ABHD2: variants seen among roughly 807,000 people sequenced by gnomAD.
ABHD2 encodes the protein abhydrolase domain containing 2, acylglycerol lipase.
A neutral mutation model predicts 48.1 loss-of-function variants in ABHD2; 20 were observed. That is an observed-to-expected ratio of 0.42 (90% CI 0.29 to 0.60). The LOEUF (loss-of-function observed/expected upper bound fraction) is 0.60. ABHD2 is among the 20% of genes least tolerant of loss of function. The pLI, the probability that ABHD2 is intolerant of heterozygous loss-of-function variation, is 0.24. For missense variants in ABHD2, 405 were observed against 550.9 expected (o/e 0.74, Z 2.65); for synonymous variants, 209 against 214.2 (o/e 0.98, Z 0.21).
intron 8 of ABHD2, among the ~76,000 whole-genome samples, chr15:89,190,305 C>T (rs1025274973): frequency 3.3e-5 from 5 of 152,196 alleles, no homozygotes. Flanking sequence ...GAGCACGGAG[C>T]AGAGCAGAGC....
At chr15:89,042,340 A>G in the ABHD2 span, among the ~76,000 whole-genome samples, 10 of 152,054 alleles carry the variant, frequency 6.6e-5, no homozygotes, top group Admixed American at 2.6e-4. Flanking sequence ...TACTCCCTCA[A>G]ACATCTTTTT....
Position 89,200,604 on chromosome 15 carries a change from G to T in ABHD2, c.*5181G>T, listed in dbSNP as rs913487519. The T allele has an allele frequency of 6.5e-6, 1 of 154,694 alleles. No individual in the cohort carries two copies. The highest frequency in any genetic ancestry group is 2.4e-5 in the African/African-American group (1 of 41,432). 9.6% of individuals were successfully genotyped at this position (154,694 alleles called of 1,614,324 possible). A position where few individuals can be genotyped will look rare whatever the true frequency, so the allele number is the denominator to read the frequency against. On this transcript the variant is annotated 3_prime_UTR_variant, in exon 11 of 11. Coordinates refer to ENST00000352732, the MANE Select transcript of ABHD2 (RefSeq NM_152924.5). ...GTCCAGTAGCCAGTTTGTTTTTATT[G>T]TGTTTTCTAACCATAAGAGATCATT...
intron 6 of ABHD2, among the ~76,000 whole-genome samples, chr15:89,181,810 C>A (rs1388156718): frequency 6.6e-6 from 1 of 152,222 alleles, no homozygotes; most frequent in South Asian, 2.1e-4. Flanking sequence ...TAAGCAGTTA[C>A]CCCAGCAGCA....
rs1052550087 is a variant in ABHD2, at chr15:89,201,679, G to C, written c.*6256G>C. The stretch of plus-strand genomic sequence containing the variant: ...TTGAAACACACTTTTCTATCCGATG[G>C]ATTTCGCAATTTAAGATTTGTAGTG... On this transcript the variant is annotated 3_prime_UTR_variant, in exon 11 of 11. Coordinates refer to ENST00000352732, the MANE Select transcript of ABHD2 (RefSeq NM_152924.5). 65 of 1,608,646 alleles carry C rather than the reference G, an allele frequency of 4.0e-5. No individual in the cohort carries two copies. The highest frequency in any genetic ancestry group is 5.0e-5 in the Non-Finnish European group (59 of 1,175,116).
the ABHD2 span, among the ~76,000 whole-genome samples, chr15:89,043,044 C>T: frequency 6.6e-6 from 1 of 152,152 alleles, no homozygotes; most frequent in East Asian, 1.9e-4. Flanking sequence ...CCGTAATCTG[C>T]TTTGATGCCT....
At chr15:89,169,845 G>A (rs978416247) in intron 5 of ABHD2, among the ~76,000 whole-genome samples, 2 of 152,012 alleles carry the variant, frequency 1.3e-5, no homozygotes, top group African/African-American at 2.4e-5. Flanking sequence ...GTCAAACTGT[G>A]CCAAAGGCTA....
chr15:89,072,486 A>AGGAGGGGAAGGAGAAGGG, the ABHD2 span, among the ~76,000 whole-genome samples: 2 of 139,868 alleles, frequency 1.4e-5, no homozygotes, highest in Non-Finnish European at 3.1e-5. Context: ...AAAAGAGGAA[A>AGGAGGGGAAGGAGAAGGG]GGAGGGGAAG....
rs1015137547 is a variant in ABHD2 at position 89,198,707 on chromosome 15, A to G, written c.*3284A>G. ...GACCATCTCTAAGACCACTTCATCT[A>G]TTTACACATCATTTGCTTGAACATT... On this transcript the variant is annotated 3_prime_UTR_variant, in exon 11 of 11. Transcript: ENST00000352732. The surrounding 1 kb of genome is among the most constrained non-coding windows in gnomAD (Gnocchi z 5.1). 1 of 152,120 alleles carries G rather than the reference A, an allele frequency of 6.6e-6. No individual in the cohort carries two copies. The highest frequency in any genetic ancestry group is 1.5e-5 in the Non-Finnish European group (1 of 68,044). 9.4% of individuals were successfully genotyped at this position (152,120 alleles called of 1,614,324 possible). A position where few individuals can be genotyped will look rare whatever the true frequency, so the allele number is the denominator to read the frequency against.
At chr15:89,141,477 AC>A (rs1383072238) in intron 3 of ABHD2, among the ~76,000 whole-genome samples, 6 of 152,304 alleles carry the variant, frequency 3.9e-5, no homozygotes, top group Admixed American at 3.9e-4. Flanking sequence ...TGCTAAAAAT[AC>A]AAAAATTAGC....
At chr15:89,043,273 G>A in the ABHD2 span, among the ~76,000 whole-genome samples, 3 of 152,184 alleles carry the variant, frequency 2.0e-5, no homozygotes, top group Non-Finnish European at 4.4e-5. Flanking sequence ...GAAGAGCTGG[G>A]GTTTGGGCTG....
In ABHD2 at chr15:89,199,553, T is replaced by A. The variant is rs2051445613; in HGVS notation, c.*4130T>A. Reference sequence around the variant, plus strand: ...GCTGCAGCAAAACCAGAGAATTTCCTCAAGTGGCCTGTAGGCTCCTTGTTA... The same window carrying A: ...GCTGCAGCAAAACCAGAGAATTTCCACAAGTGGCCTGTAGGCTCCTTGTTA... On this transcript the variant is annotated 3_prime_UTR_variant, in exon 11 of 11. Coordinates refer to ENST00000352732, the MANE Select transcript of ABHD2 (RefSeq NM_152924.5). The surrounding 1 kb of genome is among the most constrained non-coding windows in gnomAD (Gnocchi z 4.1). The A allele has an allele frequency of 6.6e-6, 1 of 152,628 alleles. No individual in the cohort carries two copies. 9.5% of individuals were successfully genotyped at this position (152,628 alleles called of 1,614,324 possible). A position where few individuals can be genotyped will look rare whatever the true frequency, so the allele number is the denominator to read the frequency against.
intron 1 of ABHD2, among the ~76,000 whole-genome samples, chr15:89,098,697 G>A (rs1222895978): frequency 6.6e-6 from 1 of 152,170 alleles, no homozygotes; most frequent in Non-Finnish European, 1.5e-5. Flanking sequence ...AAAATGCCGA[G>A]TAGATTATAG....
Position 89,114,281 on chromosome 15 carries a change from C to T in ABHD2, c.-7+457C>T, listed in dbSNP as rs538296015. On this transcript the variant is annotated intron_variant, in intron 2 of 10. Coordinates refer to ENST00000352732, the MANE Select transcript of ABHD2 (RefSeq NM_152924.5). This position sits in a 1 kb window ranked among gnomAD's most constrained non-coding sequence, Gnocchi z 4.2. The stretch of plus-strand genomic sequence containing the variant: ...TTTTTAGAGAATCTGATTAAAGCTG[C>T]GAACCCTCTGCCCAGAAAACTGCTC... Among the ~76,000 whole-genome samples, 33 of 152,220 alleles carry T rather than the reference C, an allele frequency of 2.2e-4. No individual in the cohort carries two copies. The highest frequency in any genetic ancestry group is 4.1e-4 in the African/African-American group (17 of 41,544).
In ABHD2 at chr15:89,175,294, G is replaced by C. The variant is rs1206339067; in HGVS notation, c.539-518G>C. Among the ~76,000 whole-genome samples the C allele has an allele frequency of 6.6e-6, 1 of 152,090 alleles. No individual in the cohort carries two copies. The highest frequency in any genetic ancestry group is 2.4e-5 in the African/African-American group (1 of 41,408). Reference sequence around the variant, plus strand: ...GGCTGGAGTGCAGTGATGCGATCTTGGCTCACTGTAGCCTCTGCCTCCCCG... The same window carrying C: ...GGCTGGAGTGCAGTGATGCGATCTTCGCTCACTGTAGCCTCTGCCTCCCCG... On this transcript the variant is annotated intron_variant, in intron 5 of 10. Coordinates refer to ENST00000352732, the MANE Select transcript of ABHD2 (RefSeq NM_152924.5). The surrounding 1 kb of genome is among the most constrained non-coding windows in gnomAD (Gnocchi z 5.7).
At chr15:89,058,566 C>G in the ABHD2 span, among the ~76,000 whole-genome samples, 1 of 152,110 alleles carries the variant, frequency 6.6e-6, no homozygotes, top group Non-Finnish European at 1.5e-5. Flanking sequence ...AGGAGCTTCT[C>G]CTGCTCTGGG....
the ABHD2 span, among the ~76,000 whole-genome samples, chr15:89,059,403 A>G: frequency 1.3e-5 from 2 of 152,182 alleles, no homozygotes; most frequent in East Asian, 3.9e-4. Flanking sequence ...GGAGACGCCT[A>G]CAGATTACTT....
At position 89,104,992 on chromosome 15, in the gene ABHD2, C is replaced by T. The variant is rs187027656; in HGVS notation, c.-106-8733C>T. Reference sequence around the variant, plus strand: ...AAAAATATGTTTAGGATAAATCTCACAATTCATATGCCTGTTCTCTTAGAA... The same window carrying T: ...AAAAATATGTTTAGGATAAATCTCATAATTCATATGCCTGTTCTCTTAGAA... On this transcript the variant is annotated intron_variant, in intron 1 of 10. Coordinates refer to ENST00000352732, the MANE Select transcript of ABHD2 (RefSeq NM_152924.5). This position sits in a 1 kb window ranked among gnomAD's most constrained non-coding sequence, Gnocchi z 4.4. Among the ~76,000 whole-genome samples, 1 of 152,346 alleles carries T rather than the reference C, an allele frequency of 6.6e-6. No homozygotes were observed. Among genetic ancestry groups the T allele is most frequent in the Admixed American group, 6.5e-5 (1 of 15,310 alleles).
chr15:89,078,736 T>G, the ABHD2 span, among the ~76,000 whole-genome samples: 3 of 150,078 alleles, frequency 2.0e-5, no homozygotes, highest in South Asian at 4.2e-4. Context: ...TTTTTTTTTT[T>G]CTTTTTTTTT....
At chr15:89,070,020 G>C in the ABHD2 span, 1 of 152,174 alleles carries the variant, frequency 6.6e-6, no homozygotes, top group Non-Finnish European at 1.5e-5. Context: ...GCTTGGTTGT[G>C]TTGTGGTAAC....
Sources: gnomAD v4.1 joint callset for allele counts (sites outside exome capture counted in the v4.1 genomes callset) on GRCh38, gnomAD v4.1.1 for gene constraint, Gnocchi (gnomAD v3.1) non-coding constraint, MANE v1.5 for transcripts, NCBI Gene and HGNC (gene_info 2026-07-23, HGNC 2026-07-21) for gene names.